The following ERGIC1 variants were observed in gnomAD, a reference collection of about 807,000 sequenced individuals.
The protein encoded by ERGIC1 is endoplasmic reticulum-golgi intermediate compartment 1.
A neutral mutation model predicts 38.3 loss-of-function variants in ERGIC1; 19 were observed. The observed-to-expected ratio is 0.50, with a 90% CI of 0.35 to 0.73. The LOEUF (loss-of-function observed/expected upper bound fraction) is 0.73. Among genes scored for constraint, ERGIC1 ranks in the 30% least tolerant of loss-of-function variants. The pLI, the probability that ERGIC1 is intolerant of heterozygous loss-of-function variation, is 0.01. For missense variants in ERGIC1, 294 were observed against 389.2 expected (o/e 0.76, Z 2.06); for synonymous variants, 124 against 157.6 (o/e 0.79, Z 1.60).
intron 1 of ERGIC1, among the ~76,000 whole-genome samples, chr5:172,863,368 C>T (rs1761767826): frequency 6.6e-6 from 1 of 152,194 alleles, no homozygotes; most frequent in Non-Finnish European, 1.5e-5. Context: ...AAAATAATCA[C>T]TTCTTCTGTG....
intron 9 of ERGIC1, chr5:172,936,521 G>C (rs1447603113): frequency 6.6e-6 from 1 of 152,226 alleles, no homozygotes; most frequent in African/African-American, 2.4e-5. Flanking sequence ...CAAGAGAAAA[G>C]GCAGGGGCCA....
intron 1 of ERGIC1, among the ~76,000 whole-genome samples, chr5:172,861,536 T>TGAAC (rs1561705983): frequency 6.6e-6 from 1 of 152,256 alleles, no homozygotes. Flanking sequence ...GCTGAATGAA[T>TGAAC]GAACCTCAGT....
intron 2 of ERGIC1, among the ~76,000 whole-genome samples, chr5:172,893,810 G>A (rs10038524): frequency 0.23 from 32,685 of 141,876 alleles, 4,287 homozygotes; most frequent in African/African-American, 0.3. Flanking sequence ...ATAGATTGCT[G>A]AGTGAGCAAA....
At chr5:172,860,858 G>A (rs1761680235) in intron 1 of ERGIC1, among the ~76,000 whole-genome samples, 1 of 152,228 alleles carries the variant, frequency 6.6e-6, no homozygotes, top group Admixed American at 6.5e-5. Context: ...GAGTTCCACA[G>A]TGTTTGGAGC....
At position 172,931,857 on chromosome 5, in the gene ERGIC1, CTTTT is replaced by C. The variant is rs375589121; in HGVS notation, c.542-563_542-560del. ...AGAATAGCTGCTCCTAGCACCCACACTTTTTTTTTTTTTTTTTTTGAGACAGAGT... is the reference window on the plus strand; with the variant it reads ...AGAATAGCTGCTCCTAGCACCCACACTTTTTTTTTTTTTTTGAGACAGAGT... On this transcript the variant is annotated intron_variant, in intron 7 of 9. Coordinates refer to ENST00000393784, the MANE Select transcript of ERGIC1 (RefSeq NM_001031711.3). 1.4e-4 allele frequency among the ~76,000 whole-genome samples: 17 copies of C among 123,062 alleles called. No individual in the cohort carries two copies. In the East Asian group the frequency reaches 1.6e-3, roughly 11 times the overall value. 80.7% of individuals were successfully genotyped at this position (123,062 alleles called of 152,430 possible). A position where few individuals can be genotyped will look rare whatever the true frequency, so the allele number is the denominator to read the frequency against.
At chr5:172,903,400 C>T (rs1762935789) in intron 3 of ERGIC1, among the ~76,000 whole-genome samples, 1 of 152,126 alleles carries the variant, frequency 6.6e-6, no homozygotes, top group Non-Finnish European at 1.5e-5. Context: ...GGGCCACCGG[C>T]CCCTCAGCTT....
In ERGIC1 at chr5:172,920,481, T is replaced by G. The variant is rs572281788; in HGVS notation, c.376-3524T>G. On this transcript the variant is annotated intron_variant, in intron 5 of 9. Transcript: ENST00000393784. ...CCAGCCCCGCAGGAGGAGGACAGGA[T>G]GGGGTGAGGGGTATGGGGCCTGGCT... 1,008 of 717,248 alleles carry G rather than the reference T, an allele frequency of 1.4e-3. 1 individual carries two copies. Among genetic ancestry groups the G allele is most frequent in the Non-Finnish European group, 2.4e-3 (925 of 385,034 alleles). 44.4% of individuals were successfully genotyped at this position (717,248 alleles called of 1,614,324 possible).
intron 3 of ERGIC1, 51 bp from the exon 4 acceptor site, chr5:172,909,616 A>C: frequency 1.3e-6 from 2 of 1,551,700 alleles, no homozygotes; most frequent in South Asian, 2.2e-5. Flanking sequence ...CCCGCAGCTG[A>C]GATCTTTGCC....
chr5:172,889,279 CA>C (rs1245861614), intron 2 of ERGIC1, among the ~76,000 whole-genome samples: 1 of 151,702 alleles, frequency 6.6e-6, no homozygotes, highest in Non-Finnish European at 1.5e-5. Context: ...AGCGAGACTC[CA>C]TCTAAAAAAA....
rs70984919 is a variant in ERGIC1, at chr5:172,903,968, T to TACACACACACACACACAC, written c.156-5695_156-5678dup. ...TCAAGAGAGAGATGAGTCTCACACA[T>TACACACACACACACACAC]ACACACACACACACACACACATTGA... On this transcript the variant is annotated intron_variant, in intron 3 of 9. Coordinates refer to ENST00000393784, the MANE Select transcript of ERGIC1 (RefSeq NM_001031711.3). 4.9e-3 allele frequency among the ~76,000 whole-genome samples: 742 copies of TACACACACACACACACAC among 150,388 alleles called. 4 individuals carry two copies. Among genetic ancestry groups the TACACACACACACACACAC allele is most frequent in the East Asian group, 0.013 (68 of 5,046 alleles).
intron 1 of ERGIC1, among the ~76,000 whole-genome samples, chr5:172,864,743 C>T (rs1383957526): frequency 2.0e-5 from 3 of 149,896 alleles, no homozygotes; most frequent in Admixed American, 6.7e-5. Flanking sequence ...ATTAACATGT[C>T]CCCCCCCCTT....
chr5:172,923,603 T>C (rs935843480), intron 5 of ERGIC1, among the ~76,000 whole-genome samples: 10 of 152,104 alleles, frequency 6.6e-5, no homozygotes, highest in Non-Finnish European at 1.2e-4. Flanking sequence ...ATGATAGGGG[T>C]TTGGAGTCTG....
At chr5:172,893,905 ATGTGTGTGTGTGTGTGTG>A (rs1554110394) in intron 2 of ERGIC1, among the ~76,000 whole-genome samples, 2 of 15,516 alleles carry the variant, frequency 1.3e-4, no homozygotes, top group African/African-American at 2.2e-4. Context: ...ATATATATAT[ATGTGTGTGTGTGTGTGTG>A]TGTGTGTGTG....
chr5:172,935,478 ATGT>A, intron 9 of ERGIC1, 168 bp downstream of exon 9: 3 of 800,076 alleles, frequency 3.7e-6, no homozygotes, highest in East Asian at 2.7e-5. Context: ...ATGCTGAGAA[ATGT>A]TGTCAGAAAC....
chr5:172,893,914 T>TATATATATATATACACAC lies in ERGIC1; in HGVS notation c.83-3088_83-3087insATATATATATATACACAC, dbSNP rs1197942428. Among the ~76,000 whole-genome samples, 11 of 77,856 alleles carry TATATATATATATACACAC rather than the reference T, an allele frequency of 1.4e-4. 1 individual carries two copies. Among genetic ancestry groups the TATATATATATATACACAC allele is most frequent in the East Asian group, 8.6e-4 (2 of 2,336 alleles). 51.1% of individuals were successfully genotyped at this position (77,856 alleles called of 152,430 possible). On this transcript the variant is annotated intron_variant, in intron 2 of 9. Coordinates refer to ENST00000393784, the MANE Select transcript of ERGIC1 (RefSeq NM_001031711.3). ...ATATATATATATATATATGTGTGTG[T>TATATATATATATACACAC]GTGTGTGTGTGTGTGTGTGTGTATA...
intron 1 of ERGIC1, among the ~76,000 whole-genome samples, chr5:172,878,494 C>T (rs182656550): frequency 5.3e-5 from 8 of 152,278 alleles, no homozygotes; most frequent in Admixed American, 2.6e-4. Context: ...AGATACTGAA[C>T]GCAAAGTGTA....
chr5:172,903,235 T>TG (rs1198910968), intron 3 of ERGIC1, among the ~76,000 whole-genome samples: 2 of 152,178 alleles, frequency 1.3e-5, no homozygotes, highest in Non-Finnish European at 2.9e-5. Context: ...GCCCTCGTCC[T>TG]GGGGGTGTTG....
intron 1 of ERGIC1, among the ~76,000 whole-genome samples, chr5:172,845,536 T>A (rs923750327): frequency 6.6e-6 from 1 of 152,180 alleles, no homozygotes; most frequent in African/African-American, 2.4e-5. Context: ...GTGTGCCAGG[T>A]ATCATTCTAG....
chr5:172,931,738 C>G (rs1334587146), intron 7 of ERGIC1, among the ~76,000 whole-genome samples: 3 of 152,126 alleles, frequency 2.0e-5, no homozygotes, highest in Non-Finnish European at 4.4e-5. Flanking sequence ...GATAATTCTC[C>G]TATATATTTA....
Sources: gnomAD v4.1 joint callset for allele counts (sites outside exome capture counted in the v4.1 genomes callset) on GRCh38, gnomAD v4.1.1 for gene constraint, MANE v1.5 for transcripts, NCBI Gene and HGNC (gene_info 2026-07-23, HGNC 2026-07-21) for gene names.